Variants in FAM3C observed in about 807,000 individuals in gnomAD.
The protein encoded by FAM3C is FAM3 metabolism regulating signaling molecule C.
FAM3C carries 15 observed loss-of-function variants against 32.5 expected under a neutral mutation model. That is an observed-to-expected ratio of 0.46 (90% CI 0.31 to 0.71). The LOEUF is 0.71. Among genes scored for constraint, FAM3C ranks in the 30% least tolerant of loss-of-function variants. The probability of loss-of-function intolerance (pLI) is 0.05; values close to 1 mark genes in which losing one functional copy is unlikely to be tolerated. For synonymous variants in FAM3C, 75 were observed against 86.1 expected, an observed-to-expected ratio of 0.87 and a Z score of 0.72; for missense variants, 175 against 274.4, an observed-to-expected ratio of 0.64 and a Z score of 2.56.
intron 8 of FAM3C, among the ~76,000 whole-genome samples, chr7:121,356,910 G>C (rs2707504): frequency 0.26 from 38,857 of 152,060 alleles, 5,962 homozygotes; most frequent in African/African-American, 0.44. Flanking sequence ...TTTCTTAGAT[G>C]TAAGTTTTTC....
intron 8 of FAM3C, among the ~76,000 whole-genome samples, chr7:121,353,864 G>C (rs1793758067): frequency 6.6e-6 from 1 of 152,078 alleles, no homozygotes; most frequent in Non-Finnish European, 1.5e-5. Context: ...TGCTCATTTT[G>C]CTTTGTGTAT....
intron 1 of FAM3C, among the ~76,000 whole-genome samples, chr7:121,394,659 C>T (rs878955147): frequency 3.9e-5 from 6 of 152,148 alleles, no homozygotes; most frequent in African/African-American, 1.4e-4. Flanking sequence ...GAAAACATTA[C>T]AAGAATCTGT....
chr7:121,395,184 T>A (rs1384878316), intron 1 of FAM3C, among the ~76,000 whole-genome samples: 1 of 151,656 alleles, frequency 6.6e-6, no homozygotes, highest in Non-Finnish European at 1.5e-5. Flanking sequence ...TACATATATA[T>A]GGATACATGG....
At chr7:121,375,120 T>C (rs1400145269) in intron 3 of FAM3C, among the ~76,000 whole-genome samples, 1 of 152,106 alleles carries the variant, frequency 6.6e-6, no homozygotes, top group Non-Finnish European at 1.5e-5. Flanking sequence ...AATTATATAA[T>C]GCAAGGCAGA....
Position 121,360,229 on chromosome 7 carries a change from A to G in FAM3C, c.383-102T>C, listed in dbSNP as rs757527102. On this transcript the variant is annotated intron_variant, in intron 7 of 9. Coordinates refer to ENST00000359943, the MANE Select transcript of FAM3C (RefSeq NM_014888.3). The stretch of plus-strand genomic sequence containing the variant: ...TAAAACATGAAGTATCTGTAAAGCA[A>G]TAATTTCCAATGTAAAGTAATCCAA... The G allele has an allele frequency of 4.7e-5, 31 of 663,576 alleles. No homozygotes were observed. In the East Asian group the frequency reaches 5.9e-4, roughly 13 times the overall value. 41.1% of individuals were successfully genotyped at this position (663,576 alleles called of 1,614,324 possible). A position where few individuals can be genotyped will look rare whatever the true frequency, so the allele number is the denominator to read the frequency against.
intron 3 of FAM3C, among the ~76,000 whole-genome samples, chr7:121,377,540 G>A (rs1794262905): frequency 6.6e-6 from 1 of 152,062 alleles, no homozygotes; most frequent in South Asian, 2.1e-4. Context: ...TAGTTTACTC[G>A]ATGTAAGTAC....
At chr7:121,356,462 T>C (rs1793811625) in intron 8 of FAM3C, among the ~76,000 whole-genome samples, 1 of 152,184 alleles carries the variant, frequency 6.6e-6, no homozygotes, top group Non-Finnish European at 1.5e-5. Context: ...ACACTTACTG[T>C]TTTGTTGTTC....
Position 121,371,416 on chromosome 7 carries a change from C to T in FAM3C, c.156G>A (p.Lys52=), listed in dbSNP as rs1794142017. Residue 52 remains lysine, a synonymous_variant, in exon 5 of 10, where the codon AAG becomes AAA. Coordinates refer to ENST00000359943, the MANE Select transcript of FAM3C (RefSeq NM_014888.3). ...SALDTAARST[K]PPRYKCGISK... Reference sequence around the variant, plus strand: ...AGATCCCACACTTATATCTGGGAGGCTTTGTAGCTTTGGGGGAGAAAACAT... The same window carrying T: ...AGATCCCACACTTATATCTGGGAGGTTTTGTAGCTTTGGGGGAGAAAACAT... 6.2e-7 allele frequency: 1 copy of T among 1,613,688 alleles called. No homozygotes were observed. Among genetic ancestry groups the T allele is most frequent in the South Asian group, 1.1e-5 (1 of 91,042 alleles).
At chr7:121,377,716 T>G (rs1253127829) in intron 3 of FAM3C, among the ~76,000 whole-genome samples, 1 of 152,212 alleles carries the variant, frequency 6.6e-6, no homozygotes, top group Non-Finnish European at 1.5e-5. Flanking sequence ...TAGTACTATG[T>G]TTTTACTGTA....
At chr7:121,373,625 AT>A (rs984291291) in intron 3 of FAM3C, among the ~76,000 whole-genome samples, 3 of 152,208 alleles carry the variant, frequency 2.0e-5, no homozygotes, top group African/African-American at 7.2e-5. Flanking sequence ...AATCAGAACT[AT>A]TTTGCACTTT....
At chr7:121,366,687 A>G (rs2536160) in intron 5 of FAM3C, among the ~76,000 whole-genome samples, 38,853 of 152,082 alleles carry the variant, frequency 0.26, 5,949 homozygotes, top group African/African-American at 0.44. Context: ...ATAAATGAGC[A>G]AAATGGACGG....
At chr7:121,368,672 C>A (rs1391465800) in intron 5 of FAM3C, among the ~76,000 whole-genome samples, 1 of 152,076 alleles carries the variant, frequency 6.6e-6, no homozygotes, top group African/African-American at 2.4e-5. Flanking sequence ...AAAGTCTCAA[C>A]CCTTTACCTG....
intron 9 of FAM3C, among the ~76,000 whole-genome samples, chr7:121,350,908 T>A (rs1397145376): frequency 6.6e-6 from 1 of 152,182 alleles, no homozygotes; most frequent in Non-Finnish European, 1.5e-5. Flanking sequence ...AGATAGGTAA[T>A]CCTATTCCAA....
chr7:121,368,972 G>GTTTTTT (rs563834740), intron 5 of FAM3C, among the ~76,000 whole-genome samples: 22 of 96,156 alleles, frequency 2.3e-4, no homozygotes, highest in Non-Finnish European at 3.3e-4. Flanking sequence ...TGTTGTTGTT[G>GTTTTTT]TTTTTTTTTT....
chr7:121,377,617 C>T (rs553649135), intron 3 of FAM3C, among the ~76,000 whole-genome samples: 183 of 152,214 alleles, frequency 1.2e-3, no homozygotes, highest in African/African-American at 4.1e-3. Context: ...AATAGTTTCC[C>T]GAAGAGATTC....
chr7:121,363,301 C>T (rs1793963883), intron 6 of FAM3C, among the ~76,000 whole-genome samples: 1 of 151,982 alleles, frequency 6.6e-6, no homozygotes, highest in Non-Finnish European at 1.5e-5. Context: ...CAAAAGTAAA[C>T]CTTTTACAAA....
chr7:121,354,650 G>A (rs1186357516), intron 8 of FAM3C, among the ~76,000 whole-genome samples: 1 of 152,166 alleles, frequency 6.6e-6, no homozygotes, highest in Non-Finnish European at 1.5e-5. Flanking sequence ...GGAAGAACAA[G>A]CTGGGAAGGA....
At chr7:121,366,193 G>A (rs1312818667) in intron 5 of FAM3C, among the ~76,000 whole-genome samples, 1 of 152,134 alleles carries the variant, frequency 6.6e-6, no homozygotes, top group Admixed American at 6.5e-5. Flanking sequence ...CACTCCCTGG[G>A]AGTATAAAGA....
At chr7:121,384,229 T>C (rs1377792665) in intron 1 of FAM3C, among the ~76,000 whole-genome samples, 1 of 152,214 alleles carries the variant, frequency 6.6e-6, no homozygotes, top group Non-Finnish European at 1.5e-5. Context: ...TTGTTAATTA[T>C]CTGAACAGCT....
Sources: gnomAD v4.1 joint callset for allele counts (sites outside exome capture counted in the v4.1 genomes callset) on GRCh38, gnomAD v4.1.1 for gene constraint, MANE v1.5 for transcripts, NCBI Gene and HGNC (gene_info 2026-07-23, HGNC 2026-07-21) for gene names.